MYO10: variants seen among roughly 807,000 people sequenced by gnomAD.
The protein encoded by MYO10 is unconventional myosin-X.
Under a neutral mutation model 257.3 loss-of-function variants are expected in MYO10, and 133 were observed. The ratio of observed to expected loss-of-function variants is 0.52; its 90% CI spans 0.45 to 0.60. MYO10 has a LOEUF of 0.60. Among genes scored for constraint, MYO10 ranks in the 20% least tolerant of loss-of-function variants. The probability of loss-of-function intolerance (pLI) is 0.00; values close to 1 mark genes in which losing one functional copy is unlikely to be tolerated. For missense variants in MYO10, 2,399 were observed against 2,635.7 expected (o/e 0.91, Z 1.97); for synonymous variants, 1,104 against 1,028.6 (o/e 1.07, Z -1.40).
intron 3 of MYO10, among the ~76,000 whole-genome samples, chr5:16,803,323 G>A (rs769441407): frequency 2.6e-5 from 4 of 151,834 alleles, no homozygotes; most frequent in Non-Finnish European, 5.9e-5. Context: ...AGCTACTCAG[G>A]AGGCTGAGGT....
chr5:16,857,734 CCT>C (rs1294114513), intron 2 of MYO10, among the ~76,000 whole-genome samples: 1 of 152,194 alleles, frequency 6.6e-6, no homozygotes, highest in Non-Finnish European at 1.5e-5. Context: ...GAGCAAGGAA[CCT>C]CCTCTCACTG....
chr5:16,742,143 T>A (rs959045923), intron 19 of MYO10: 1 of 985,014 alleles, frequency 1.0e-6, no homozygotes, highest in African/African-American at 1.8e-5. Flanking sequence ...ATAATTTTTT[T>A]TTAAAAAAAG....
intron 5 of MYO10, 132 bp from the exon 6 acceptor site, chr5:16,781,961 GT>G (rs1741437354): frequency 9.0e-7 from 1 of 1,110,744 alleles, no homozygotes; most frequent in Non-Finnish European, 1.3e-6. Context: ...GGGTGGCAAT[GT>G]TTATTTCCGG....
intron 9 of MYO10, among the ~76,000 whole-genome samples, chr5:16,778,791 C>T (rs146703381): frequency 0.021 from 3,133 of 150,586 alleles, 119 homozygotes; most frequent in African/African-American, 0.072. Context: ...CCCGGGTTCA[C>T]GCCATTCTCC....
chr5:16,822,234 A>G (rs907109211), intron 2 of MYO10, among the ~76,000 whole-genome samples: 1 of 151,630 alleles, frequency 6.6e-6, no homozygotes. Context: ...ACGTTTACCT[A>G]CGTGACAAAC....
At chr5:16,704,749 G>A (rs1476641211) in intron 21 of MYO10, 64 bp from the exon 22 acceptor site, 3 of 1,284,014 alleles carry the variant, frequency 2.3e-6, no homozygotes, top group Admixed American at 1.8e-5. Context: ...AGGCATTTCT[G>A]AGTCAAAGAT....
intron 19 of MYO10, among the ~76,000 whole-genome samples, chr5:16,712,835 G>T (rs1738681650): frequency 6.6e-6 from 1 of 152,150 alleles, no homozygotes. Context: ...AAAGAACTGT[G>T]GTTCTCTGTT....
At chr5:16,718,011 G>C (rs1420955891) in intron 19 of MYO10, among the ~76,000 whole-genome samples, 1 of 152,214 alleles carries the variant, frequency 6.6e-6, no homozygotes, top group Non-Finnish European at 1.5e-5. Context: ...CTGGAGTTGC[G>C]GGTGGGCGTG....
At position 16,664,342 on chromosome 5, in the gene MYO10, TCA is replaced by T. The variant is rs1257988565; in HGVS notation, c.*2348_*2349del. Reference sequence around the variant, plus strand: ...CGACAGCCTTCCAGAGTAAATTAAGTCACAGAGGGAATCCTGAGAGGTGAGCA... The same window carrying T: ...CGACAGCCTTCCAGAGTAAATTAAGTCAGAGGGAATCCTGAGAGGTGAGCA... On this transcript the variant is annotated 3_prime_UTR_variant, in exon 41 of 41. Transcript: ENST00000513610. 1 of 152,200 alleles carries T rather than the reference TCA, an allele frequency of 6.6e-6. No individual in the cohort carries two copies. The highest frequency in any genetic ancestry group is 1.5e-5 in the Non-Finnish European group (1 of 68,056). 9.4% of individuals were successfully genotyped at this position (152,200 alleles called of 1,614,324 possible).
intron 26 of MYO10, 51 bp from the exon 27 acceptor site, chr5:16,694,665 T>C: frequency 3.1e-6 from 5 of 1,602,748 alleles, no homozygotes; most frequent in Non-Finnish European, 4.3e-6. Context: ...GTCAGTCAAG[T>C]TGGATGACAA....
intron 29 of MYO10, 30 bp downstream of exon 29, chr5:16,685,708 C>A: frequency 2.0e-6 from 3 of 1,523,446 alleles, no homozygotes; most frequent in East Asian, 2.4e-5. Context: ...CCTAGACGCC[C>A]CACCCCCATC....
intron 2 of MYO10, among the ~76,000 whole-genome samples, chr5:16,819,751 T>G (rs551201015): frequency 1.3e-5 from 2 of 152,324 alleles, no homozygotes; most frequent in South Asian, 4.1e-4. Context: ...CAAAGGAGAA[T>G]GACACACTAA....
intron 3 of MYO10, among the ~76,000 whole-genome samples, chr5:16,816,300 G>C (rs1383731550): frequency 5.0e-5 from 7 of 139,704 alleles, no homozygotes; most frequent in Non-Finnish European, 7.6e-5. Context: ...GATAGTGCCA[G>C]TGCACTCCAG....
At chr5:16,685,129 A>G (rs2126507513) in intron 29 of MYO10, among the ~76,000 whole-genome samples, 1 of 152,322 alleles carries the variant, frequency 6.6e-6, no homozygotes, top group Non-Finnish European at 1.5e-5. Flanking sequence ...GACTTCATAA[A>G]AAGTAGGATT....
intron 19 of MYO10, among the ~76,000 whole-genome samples, chr5:16,712,079 T>C (rs1266601340): frequency 1.2e-5 from 1 of 84,710 alleles, no homozygotes; most frequent in East Asian, 3.9e-4. Flanking sequence ...GACTTGGTGA[T>C]GGGTGGATAC....
intron 1 of MYO10, among the ~76,000 whole-genome samples, chr5:16,932,792 G>C (rs1375693668): frequency 7.9e-6 from 1 of 126,268 alleles, no homozygotes; most frequent in Non-Finnish European, 1.8e-5. Flanking sequence ...CAGGCAGTAA[G>C]AGTCTATCTA....
chr5:16,874,344 CGGGGGGG>C (rs61697249), intron 2 of MYO10, among the ~76,000 whole-genome samples: 1 of 28,446 alleles, frequency 3.5e-5, no homozygotes, highest in South Asian at 4.6e-3. Context: ...AAAAAAAAAG[CGGGGGGG>C]GGGGGGGGTT....
At chr5:16,757,316 GCACACACA>G (rs1183703448) in intron 18 of MYO10, among the ~76,000 whole-genome samples, 32 of 81,004 alleles carry the variant, frequency 4.0e-4, no homozygotes, top group Non-Finnish European at 8.3e-4. Flanking sequence ...ACACACACAC[GCACACACA>G]CACACACACA....
chr5:16,702,616 TCAA>T (rs547505068), intron 23 of MYO10, 28 bp from the exon 24 acceptor site: 42 of 1,558,734 alleles, frequency 2.7e-5, no homozygotes, highest in African/African-American at 2.3e-4. Context: ...AAAGTGAAAA[TCAA>T]CAACAATAAC....
Sources: gnomAD v4.1 joint callset for allele counts (sites outside exome capture counted in the v4.1 genomes callset) on GRCh38, gnomAD v4.1.1 for gene constraint, MANE v1.5 for transcripts, NCBI Gene and HGNC (gene_info 2026-07-23, HGNC 2026-07-21) for gene names.